Variants in MAP4 observed in about 807,000 individuals in gnomAD.
MAP4 encodes microtubule associated protein 4, also known as microtubule-associated protein 4.
MAP4 carries 76 observed loss-of-function variants against 170.2 expected under a neutral mutation model. The ratio of observed to expected loss-of-function variants is 0.45; its 90% CI spans 0.37 to 0.54. MAP4 has a LOEUF of 0.54. Ranked by LOEUF, MAP4 falls within the 20% of genes least tolerant of loss-of-function variation. The probability of loss-of-function intolerance (pLI) is 0.00; values close to 1 mark genes in which losing one functional copy is unlikely to be tolerated. For missense variants in MAP4, 2,506 were observed against 2,748.0 expected (o/e 0.91, Z 1.97); for synonymous variants, 909 against 994.5 (o/e 0.91, Z 1.62).
At chr3:48,019,013 C>T (rs537173973), upstream of MAP4, among the ~76,000 whole-genome samples, 43 of 152,152 alleles carry the variant, frequency 2.8e-4, no homozygotes, top group African/African-American at 1.0e-3. Context: ...TGACATGATG[C>T]AATGTGGCAA....
intron 1 of MAP4, among the ~76,000 whole-genome samples, chr3:48,056,760 G>A (rs1416430556): frequency 8.0e-5 from 5 of 62,596 alleles, no homozygotes; most frequent in East Asian, 1.2e-3. Context: ...GAGCCCCTCT[G>A]CCCGGCCAGC....
chr3:47,973,518 G>A (rs958142649), intron 3 of MAP4: 2 of 984,986 alleles, frequency 2.0e-6, no homozygotes, highest in African/African-American at 3.5e-5. Context: ...ATTTTAGCTG[G>A]CTGTTAGTAG....
In MAP4 at chr3:47,998,798, T is replaced by C. The variant is rs2100097618; in HGVS notation, c.63A>G (p.Ile21Met). ...TEPSPDIEGEIKRDFIATLEA... is the reference protein window; with the variant it reads ...TEPSPDIEGEMKRDFIATLEA... ...CTAGTGTGGCAATGAAGTCCCGCTT[T>C]ATCTCTCCCTCAATGTCTGGAGATG... is the stretch of plus-strand genomic sequence containing the variant. The change falls in exon 2 of 21, where the codon ATA becomes ATG. Residue 21 changes from isoleucine to methionine, a missense_variant. Physicochemically the swap from Ile to Met is conservative, Grantham distance 10 (BLOSUM62 1). This residue lies in a region of MAP4 where 2,008 missense variants were observed against 2,206.0 expected (regional missense o/e 0.91). Transcript: ENST00000683076. The C allele has an allele frequency of 1.2e-6, 2 of 1,614,056 alleles. No homozygotes were observed. Among genetic ancestry groups the C allele is most frequent in the South Asian group, 2.2e-5 (2 of 91,086 alleles).
chr3:48,032,640 G>C (rs1051221764), intron 1 of MAP4, among the ~76,000 whole-genome samples: 1 of 152,110 alleles, frequency 6.6e-6, no homozygotes, highest in Admixed American at 6.6e-5. Context: ...ACTCCAGCCT[G>C]GGTGACAGAG....
intron 6 of MAP4, among the ~76,000 whole-genome samples, chr3:47,917,809 C>T (rs1167271252): frequency 6.6e-6 from 1 of 152,024 alleles, no homozygotes; most frequent in Non-Finnish European, 1.5e-5. Context: ...GTCATGCTTC[C>T]TATCAAGAAA....
intron 3 of MAP4, among the ~76,000 whole-genome samples, chr3:47,944,537 T>C (rs1473447199): frequency 6.6e-6 from 1 of 151,976 alleles, no homozygotes; most frequent in Admixed American, 6.6e-5. Context: ...AATCCCCCAT[T>C]TTTATTTCTT....
chr3:48,065,092 T>G (rs983214144), intron 1 of MAP4, among the ~76,000 whole-genome samples: 1 of 152,196 alleles, frequency 6.6e-6, no homozygotes, highest in Admixed American at 6.5e-5. Context: ...ATCGTGCCAC[T>G]GCACTCCAAC....
At chr3:47,891,971 C>G in intron 10 of MAP4, 1 of 1,536,258 alleles carries the variant, frequency 6.5e-7, no homozygotes, top group African/African-American at 1.4e-5. Context: ...CTTAACATAT[C>G]TGGTAGGGAT....
intron 1 of MAP4, among the ~76,000 whole-genome samples, chr3:48,038,885 C>A (rs978539048): frequency 6.6e-6 from 1 of 152,064 alleles, no homozygotes; most frequent in African/African-American, 2.4e-5. Flanking sequence ...GCAGATCACA[C>A]GAGCCCAGGA....
chr3:47,947,654 C>CA (rs112396003), intron 3 of MAP4, among the ~76,000 whole-genome samples: 1,519 of 151,552 alleles, frequency 0.01, 30 homozygotes, highest in African/African-American at 0.034. Context: ...TACTAAAATA[C>CA]AAAAAAGTTA....
At chr3:47,964,184 G>T (rs1403160233) in intron 3 of MAP4, among the ~76,000 whole-genome samples, 1 of 152,192 alleles carries the variant, frequency 6.6e-6, no homozygotes, top group Admixed American at 6.5e-5. Flanking sequence ...CTGTGCAAAA[G>T]AACAGCATGA....
intron 10 of MAP4, among the ~76,000 whole-genome samples, chr3:47,880,469 T>TTG (rs1448850610): frequency 6.9e-6 from 1 of 144,784 alleles, no homozygotes; most frequent in African/African-American, 2.6e-5. Flanking sequence ...ATTTCAGTTT[T>TTG]TTTTTTTTTT....
intron 1 of MAP4, among the ~76,000 whole-genome samples, chr3:48,006,432 T>C (rs940863862): frequency 2.0e-5 from 3 of 152,150 alleles, no homozygotes; most frequent in African/African-American, 7.2e-5. Context: ...AGGTAATTAA[T>C]GAAGTTTTAG....
chr3:47,921,969 G>A (rs1392829505), intron 4 of MAP4, 91 bp from the exon 5 acceptor site: 2 of 685,388 alleles, frequency 2.9e-6, no homozygotes, highest in Non-Finnish European at 5.2e-6. Context: ...TTTTTTTGAG[G>A]TGGAGTCTTG....
At chr3:48,074,676 T>TTTTTTTTGTGTGTG (rs746281743) in intron 1 of MAP4, among the ~76,000 whole-genome samples, 1 of 90,640 alleles carries the variant, frequency 1.1e-5, no homozygotes, top group Non-Finnish European at 2.1e-5. Flanking sequence ...ATCCAGCTAA[T>TTTTTTTTGTGTGTG]TGTGTGTGTG....
chr3:47,912,029 T>C lies in MAP4; in HGVS notation c.2392A>G (p.Lys798Glu), dbSNP rs1013370315. The C allele has an allele frequency of 6.5e-6, 10 of 1,536,044 alleles. No individual in the cohort carries two copies. The highest frequency in any genetic ancestry group is 3.9e-5 in the Admixed American group (2 of 50,980). ...GTGTCAGCTGCAAATGGATGACCTT[T>C]AGGCTTATCTGCATTGTCATCATCC... ...PSDDDNADKP[K>E]GHPFAADTQK... The change falls in exon 9 of 21, where the codon AAA (lysine) becomes GAA (glutamate). Residue 798 changes from lysine to glutamate, a missense_variant. Lys to Glu is a moderately conservative substitution (Grantham distance 56). Around this residue, in one of 3 missense-constraint regions of MAP4, gnomAD observed 2,008 missense variants for 2,206.0 expected, o/e 0.91. Coordinates refer to ENST00000683076, the MANE Select transcript of MAP4 (RefSeq NM_001385682.1).
chr3:48,022,877 T>C (rs4858879), intron 1 of MAP4, among the ~76,000 whole-genome samples: 120,778 of 151,944 alleles, frequency 0.79, 48,317 homozygotes, highest in East Asian at 0.89. Flanking sequence ...GGCAACAGAG[T>C]GACACTCCAT....
chr3:47,952,784 TGTGGTGGCA>T (rs1478074000), intron 3 of MAP4, among the ~76,000 whole-genome samples: 1 of 151,496 alleles, frequency 6.6e-6, no homozygotes, highest in African/African-American at 2.4e-5. Flanking sequence ...ATTGGTCGGG[TGTGGTGGCA>T]TGAGCCTGTA....
upstream of MAP4, among the ~76,000 whole-genome samples, chr3:48,019,523 T>C (rs2100109536): frequency 2.6e-5 from 4 of 152,034 alleles, no homozygotes; most frequent in Admixed American, 2.0e-4. Context: ...GCTGAGGAGA[T>C]TGGAAGAAAG....
Sources: allele counts gnomAD v4.1 joint callset (sites outside exome capture counted in the v4.1 genomes callset), GRCh38; gene constraint gnomAD v4.1.1; regional missense constraint gnomAD v4.1.1; transcripts MANE v1.5; gene names NCBI Gene and HGNC (gene_info 2026-07-23, HGNC 2026-07-21).